GYS2: variants seen among roughly 807,000 people sequenced by gnomAD.
The protein encoded by GYS2 is glycogen [starch] synthase, liver.
In GYS2, 80 loss-of-function variants were observed where a neutral mutation model predicts 85.6. The observed-to-expected ratio is 0.93, with a 90% CI of 0.78 to 1.13. The LOEUF is 1.13. Among genes scored for constraint, GYS2 ranks in the 50% most tolerant of loss-of-function variants. GYS2 has a pLI of 0.00. For missense variants in GYS2, 881 were observed against 854.9 expected, an observed-to-expected ratio of 1.03 and a Z score of -0.38; for synonymous variants, 328 against 300.7, an observed-to-expected ratio of 1.09 and a Z score of -0.94.
chr12:21,558,205 CTCTA>C lies in GYS2; in HGVS notation c.1413_1416del (p.Asp471GlufsTer4), dbSNP rs1199090828. 30 of 1,583,564 alleles carry C rather than the reference CTCTA, an allele frequency of 1.9e-5. No homozygotes were observed. Among genetic ancestry groups the C allele is most frequent in the South Asian group, 4.4e-5 (4 of 90,452 alleles). ...ACATGAACAATTTGTTCTACCTTGA[CTCTA>C]TCTGTGCGGTTGTTGAAAAGTCCAA... is the stretch of plus-strand genomic sequence containing the variant. On this transcript the variant is annotated frameshift_variant, in exon 11 of 16. Coordinates refer to ENST00000261195, the MANE Select transcript of GYS2 (RefSeq NM_021957.4). LOFTEE classifies it high-confidence loss of function.
chr12:21,565,792 GC>G (rs2136887912), intron 5 of GYS2, among the ~76,000 whole-genome samples: 1 of 113,784 alleles, frequency 8.8e-6, no homozygotes, highest in East Asian at 2.7e-4. Flanking sequence ...CTAATTTCTT[GC>G]TATTGTTCCC....
rs117562055 is a variant in GYS2, at chr12:21,537,916, G to A, written c.1891-741C>T. On this transcript the variant is annotated intron_variant, in intron 15 of 15. Transcript: ENST00000261195. ...GACAGATGTGTAAAAGTGTTATAGC[G>A]CTCGTCACTCTGTATTTCAATTACT... Among the ~76,000 whole-genome samples, 1,458 of 152,166 alleles carry A rather than the reference G, an allele frequency of 9.6e-3. 15 individuals carry two copies. Among genetic ancestry groups the A allele is most frequent in the Non-Finnish European group, 0.017 (1,156 of 68,002 alleles).
intron 1 of GYS2, among the ~76,000 whole-genome samples, chr12:21,593,669 G>A (rs748481498): frequency 3.3e-5 from 5 of 152,010 alleles, no homozygotes; most frequent in Non-Finnish European, 7.4e-5. Flanking sequence ...TGGCTTTACT[G>A]TCAAATTTTA....
At chr12:21,572,048 A>T (rs1041036622) in intron 4 of GYS2, among the ~76,000 whole-genome samples, 5 of 152,264 alleles carry the variant, frequency 3.3e-5, no homozygotes, top group Admixed American at 1.3e-4. Flanking sequence ...AGAGGAAAAA[A>T]AAGAATTTAT....
At chr12:21,557,419 T>A (rs967278402) in intron 11 of GYS2, among the ~76,000 whole-genome samples, 5 of 152,120 alleles carry the variant, frequency 3.3e-5, no homozygotes, top group Admixed American at 2.0e-4. Flanking sequence ...GAAACTCAAG[T>A]CAAAAGAATG....
chr12:21,602,132 C>T (rs549904077), intron 1 of GYS2, among the ~76,000 whole-genome samples: 5 of 152,150 alleles, frequency 3.3e-5, no homozygotes, highest in South Asian at 4.1e-4. Context: ...CATGAAGAAA[C>T]TGTTATTCAG....
At chr12:21,582,996 C>T (rs758013401) in intron 1 of GYS2, among the ~76,000 whole-genome samples, 41 of 152,100 alleles carry the variant, frequency 2.7e-4, no homozygotes, top group Non-Finnish European at 4.1e-4. Context: ...CTTGTAAGTT[C>T]GCTGGACAAA....
At chr12:21,588,535 C>T (rs1206891024) in intron 1 of GYS2, among the ~76,000 whole-genome samples, 1 of 152,168 alleles carries the variant, frequency 6.6e-6, no homozygotes, top group African/African-American at 2.4e-5. Context: ...TGAGTCTACA[C>T]AAGCTAATTG....
intron 4 of GYS2, among the ~76,000 whole-genome samples, chr12:21,571,378 C>T (rs1340144714): frequency 6.6e-6 from 1 of 152,206 alleles, no homozygotes; most frequent in African/African-American, 2.4e-5. Context: ...TGGACCTGGT[C>T]TTTCTGACAA....
chr12:21,564,656 A>G (rs1368774627), intron 5 of GYS2, among the ~76,000 whole-genome samples: 1 of 152,188 alleles, frequency 6.6e-6, no homozygotes, highest in African/African-American at 2.4e-5. Context: ...TTTCATGTGA[A>G]TAATTCCTAA....
chr12:21,586,719 T>C (rs922156594), intron 1 of GYS2, among the ~76,000 whole-genome samples: 10 of 152,128 alleles, frequency 6.6e-5, no homozygotes, highest in African/African-American at 2.4e-4. Context: ...TTATACACTG[T>C]TGGTAAGAAT....
chr12:21,568,169 A>C (rs906146291), intron 5 of GYS2, among the ~76,000 whole-genome samples: 4 of 152,184 alleles, frequency 2.6e-5, no homozygotes, highest in African/African-American at 4.8e-5. Context: ...AGTGTAGTTT[A>C]ATCTTCTTTG....
In GYS2 at chr12:21,556,362, G is replaced by A. The variant is rs542724928; in HGVS notation, c.1422+1838C>T. Reference sequence around the variant, plus strand: ...TTCTTTGTATTTTTTGTAGAGACAGGGTTTCACCATGTTGCCCAGGCTGGT... The same window carrying A: ...TTCTTTGTATTTTTTGTAGAGACAGAGTTTCACCATGTTGCCCAGGCTGGT... On this transcript the variant is annotated intron_variant, in intron 11 of 15. Transcript: ENST00000261195. Among the ~76,000 whole-genome samples the A allele has an allele frequency of 7.9e-5, 12 of 152,202 alleles. No homozygotes were observed. In the East Asian group the frequency reaches 1.9e-3, roughly 25 times the overall value.
At chr12:21,550,797 T>G (rs1944099658) in intron 11 of GYS2, among the ~76,000 whole-genome samples, 1 of 151,944 alleles carries the variant, frequency 6.6e-6, no homozygotes, top group African/African-American at 2.4e-5. Flanking sequence ...AAAAATCAGC[T>G]GGGTGTGGTG....
At chr12:21,558,585 T>C (rs1944212128) in intron 10 of GYS2, among the ~76,000 whole-genome samples, 1 of 152,176 alleles carries the variant, frequency 6.6e-6, no homozygotes, top group Non-Finnish European at 1.5e-5. Flanking sequence ...CGGGACTTAT[T>C]TGGAATATAA....
At chr12:21,603,641 C>G (rs1378834668) in intron 1 of GYS2, among the ~76,000 whole-genome samples, 4 of 152,110 alleles carry the variant, frequency 2.6e-5, no homozygotes, top group African/African-American at 9.7e-5. Flanking sequence ...ATTTACCCAG[C>G]AATCAGTTGG....
At chr12:21,587,613 CTG>C (rs1944589156) in intron 1 of GYS2, among the ~76,000 whole-genome samples, 2 of 152,234 alleles carry the variant, frequency 1.3e-5, no homozygotes, top group South Asian at 4.1e-4. Flanking sequence ...CCCTGTGGAA[CTG>C]TGAGACAATT....
intron 11 of GYS2, among the ~76,000 whole-genome samples, chr12:21,554,223 GAAGT>G (rs1274831537): frequency 7.9e-5 from 12 of 151,994 alleles, no homozygotes; most frequent in Non-Finnish European, 1.6e-4. Context: ...AGGAAGGAAG[GAAGT>G]GAGGAAGGGA....
chr12:21,568,681 G>A (rs1944351055), intron 5 of GYS2, among the ~76,000 whole-genome samples, 184 bp downstream of exon 5: 1 of 152,166 alleles, frequency 6.6e-6, no homozygotes, highest in Admixed American at 6.5e-5. Flanking sequence ...CCATGTTCCA[G>A]ATATAGCTTT....
Sources: allele counts gnomAD v4.1 joint callset (sites outside exome capture counted in the v4.1 genomes callset), GRCh38; gene constraint gnomAD v4.1.1; transcripts MANE v1.5; gene names NCBI Gene and HGNC (gene_info 2026-07-23, HGNC 2026-07-21).